Variants in DPF3 observed in about 807,000 individuals in gnomAD.
DPF3 encodes the protein double PHD fingers 3, also known as zinc finger protein DPF3.
Under a neutral mutation model 56.8 loss-of-function variants are expected in DPF3, and 18 were observed. The observed-to-expected ratio is 0.32, with a 90% CI of 0.22 to 0.47. The LOEUF (loss-of-function observed/expected upper bound fraction) is 0.47, where lower values mean the gene tolerates loss of function less well. Among genes scored for constraint, DPF3 ranks in the 20% least tolerant of loss-of-function variants. The pLI is 1.00. For synonymous variants in DPF3, 188 were observed against 180.2 expected (o/e 1.04, Z -0.35); for missense variants, 403 against 488.8 (o/e 0.82, Z 1.65).
rs1012066579 is a variant in DPF3, at chr14:72,852,129, G to A, written c.32+41928C>T. On this transcript the variant is annotated intron_variant, in intron 1 of 10. Coordinates refer to ENST00000556509, the MANE Select transcript of DPF3 (RefSeq NM_001280542.3). Reference sequence around the variant, plus strand: ...TTTCAGCCCCAGTTCTGGTTCTCCTGAGAGAGTCAAGTTGCAGGAGAAGAA... The same window carrying A: ...TTTCAGCCCCAGTTCTGGTTCTCCTAAGAGAGTCAAGTTGCAGGAGAAGAA... Among the ~76,000 whole-genome samples, 187 of 152,364 alleles carry A rather than the reference G, an allele frequency of 1.2e-3. 1 individual carries two copies. Among genetic ancestry groups the A allele is most frequent in the African/African-American group, 4.2e-3 (174 of 41,600 alleles).
intron 4 of DPF3, among the ~76,000 whole-genome samples, chr14:72,727,540 C>T (rs1889455709): frequency 6.6e-6 from 1 of 150,818 alleles, no homozygotes; most frequent in Non-Finnish European, 1.5e-5. Flanking sequence ...TGTACCATTG[C>T]ACTCCAGCCT....
chr14:72,698,241 T>C (rs1328045859), intron 6 of DPF3, among the ~76,000 whole-genome samples: 2 of 152,260 alleles, frequency 1.3e-5, no homozygotes, highest in South Asian at 2.1e-4. Flanking sequence ...ACACATTCGA[T>C]AGAAACCATA....
intron 5 of DPF3, among the ~76,000 whole-genome samples, chr14:72,719,573 TGATA>T (rs1488415744): frequency 6.6e-6 from 1 of 152,250 alleles, no homozygotes; most frequent in Admixed American, 6.5e-5. Flanking sequence ...CATGATTGAT[TGATA>T]ATTGATTAAT....
In DPF3 at chr14:72,656,887, G is replaced by T. The variant is rs551727763; in HGVS notation, c.871+17353C>A. Among the ~76,000 whole-genome samples, 3 of 152,302 alleles carry T rather than the reference G, an allele frequency of 2.0e-5. No individual in the cohort carries two copies. In the South Asian group the frequency reaches 6.2e-4, roughly 32 times the overall value. On this transcript the variant is annotated intron_variant, in intron 8 of 10. Coordinates refer to ENST00000556509, the MANE Select transcript of DPF3 (RefSeq NM_001280542.3). ...AAAGAGCATCTCTTCAATAAACTTA[G>T]CTTGACTACTACCACCTATCATGAC...
rs1412002646 is a variant in DPF3 at position 72,616,360 on chromosome 14, G to A, written c.*2937C>T. Among the ~76,000 whole-genome samples the A allele has an allele frequency of 6.6e-6, 1 of 151,982 alleles. No homozygotes were observed. Among genetic ancestry groups the A allele is most frequent in the Non-Finnish European group, 1.5e-5 (1 of 68,000 alleles). On this transcript the variant is annotated 3_prime_UTR_variant, in exon 11 of 11. Transcript: ENST00000556509. ...GTATCCTGAGTACCTTCATTTTAAA[G>A]TCCCCAACCCCATGTACATCCCTCA...
intron 4 of DPF3, among the ~76,000 whole-genome samples, chr14:72,728,625 C>A (rs143604072): frequency 6.6e-6 from 1 of 152,216 alleles, no homozygotes; most frequent in East Asian, 1.9e-4. Flanking sequence ...ACGGGAAGAA[C>A]TGGGGACAGG....
intron 1 of DPF3, among the ~76,000 whole-genome samples, chr14:72,887,766 C>T (rs1232564957): frequency 6.6e-6 from 1 of 152,158 alleles, no homozygotes; most frequent in African/African-American, 2.4e-5. Context: ...GATTCCTCTC[C>T]CAGAGCTTTT....
intron 1 of DPF3, among the ~76,000 whole-genome samples, chr14:72,821,771 C>G (rs528938619): frequency 1.8e-4 from 28 of 151,934 alleles, no homozygotes; most frequent in Admixed American, 3.3e-4. Flanking sequence ...TTTGGGAGAC[C>G]AAGGCAGGAG....
chr14:72,785,313 T>C (rs1892164996), intron 1 of DPF3, among the ~76,000 whole-genome samples: 1 of 152,178 alleles, frequency 6.6e-6, no homozygotes, highest in South Asian at 2.1e-4. Flanking sequence ...TGTAATTGTA[T>C]TATTCCCATA....
chr14:72,610,783 G>T lies in DPF3; in HGVS notation c.*8514C>A, dbSNP rs2153564762. 6.6e-6 allele frequency among the ~76,000 whole-genome samples: 1 copy of T among 152,314 alleles called. No homozygotes were observed. Among genetic ancestry groups the T allele is most frequent in the Admixed American group, 6.5e-5 (1 of 15,312 alleles). ...GGCTCCCAGGTTCATCCCTCAAGGA[G>T]CTGGGGACCTGAGGGCTCAGGGCCC... On this transcript the variant is annotated 3_prime_UTR_variant, in exon 11 of 11. Transcript: ENST00000556509.
At chr14:72,666,125 T>C (rs1886432940) in intron 8 of DPF3, among the ~76,000 whole-genome samples, 1 of 152,206 alleles carries the variant, frequency 6.6e-6, no homozygotes, top group Non-Finnish European at 1.5e-5. Flanking sequence ...CAATATTATA[T>C]AATTCAATGT....
intron 1 of DPF3, among the ~76,000 whole-genome samples, chr14:72,857,481 A>G (rs1009301019): frequency 3.3e-5 from 5 of 152,316 alleles, no homozygotes; most frequent in African/African-American, 1.2e-4. Context: ...GAAAATAGTG[A>G]TACTATTACT....
intron 1 of DPF3, among the ~76,000 whole-genome samples, chr14:72,858,716 T>C (rs1885266174): frequency 6.6e-6 from 1 of 152,222 alleles, no homozygotes; most frequent in South Asian, 2.1e-4. Context: ...TACTCAGAGA[T>C]TCCTTTTGAA....
intron 6 of DPF3, among the ~76,000 whole-genome samples, chr14:72,708,602 T>C (rs1888519038): frequency 6.6e-6 from 1 of 152,210 alleles, no homozygotes; most frequent in Non-Finnish European, 1.5e-5. Flanking sequence ...AAAATTTTTT[T>C]CTTAGCAAAA....
At chr14:72,875,729 C>A (rs763398518) in intron 1 of DPF3, among the ~76,000 whole-genome samples, 1 of 151,796 alleles carries the variant, frequency 6.6e-6, no homozygotes. Context: ...ACTTGTGTAA[C>A]CCCCAGCCTC....
intron 8 of DPF3, among the ~76,000 whole-genome samples, chr14:72,640,753 T>C (rs542116782): frequency 6.6e-6 from 1 of 152,302 alleles, no homozygotes; most frequent in South Asian, 2.1e-4. Context: ...ATTCCATTAA[T>C]TGTGCAGATG....
intron 6 of DPF3, among the ~76,000 whole-genome samples, chr14:72,708,453 A>G (rs1406650215): frequency 2.6e-5 from 4 of 152,162 alleles, no homozygotes; most frequent in Non-Finnish European, 5.9e-5. Flanking sequence ...AAGGACCTGC[A>G]AGACAACTGA....
chr14:72,646,759 C>CT lies in DPF3; in HGVS notation c.872-17024dup, dbSNP rs1412104190. Among the ~76,000 whole-genome samples, 11 of 152,324 alleles carry CT rather than the reference C, an allele frequency of 7.2e-5. No individual in the cohort carries two copies. The East Asian group carries it at 2.1e-3, about 29-fold the overall frequency. Reference sequence around the variant, plus strand: ...CAGAGTGGAAATGTCCATCACTGGTCTTCTCATTTCTCCAAGCCACAGCAA... The same window carrying CT: ...CAGAGTGGAAATGTCCATCACTGGTCTTTCTCATTTCTCCAAGCCACAGCAA... On this transcript the variant is annotated intron_variant, in intron 8 of 10. Transcript: ENST00000556509.
chr14:72,840,058 C>T (rs1458577448), intron 1 of DPF3, among the ~76,000 whole-genome samples: 4 of 152,214 alleles, frequency 2.6e-5, no homozygotes, highest in Non-Finnish European at 5.9e-5. Flanking sequence ...AAATACCTGA[C>T]CTTGAAAAAT....
Sources: allele counts gnomAD v4.1 joint callset (sites outside exome capture counted in the v4.1 genomes callset), GRCh38; gene constraint gnomAD v4.1.1; transcripts MANE v1.5; gene names NCBI Gene and HGNC (gene_info 2026-07-23, HGNC 2026-07-21).